The following IQCM variants were observed in gnomAD, a reference collection of about 807,000 sequenced individuals.
IQCM encodes IQ motif containing M, also known as IQ domain-containing protein M.
Under a neutral mutation model 57.6 loss-of-function variants are expected in IQCM, and 45 were observed. That is an observed-to-expected ratio of 0.78 (90% confidence interval 0.62 to 1.00). The LOEUF is 1.00. Ranked by LOEUF, IQCM falls within the 50% of genes least tolerant of loss-of-function variation. The pLI, the probability that IQCM is intolerant of heterozygous loss-of-function variation, is 0.00. For synonymous variants in IQCM, 148 were observed against 158.9 expected, an observed-to-expected ratio of 0.93 and a Z score of 0.51; for missense variants, 468 against 511.6, an observed-to-expected ratio of 0.91 and a Z score of 0.82.
chr4:149,705,253 T>C (rs1014979905), intron 5 of IQCM, among the ~76,000 whole-genome samples: 1 of 147,760 alleles, frequency 6.8e-6, no homozygotes, highest in Non-Finnish European at 1.5e-5. Flanking sequence ...TATATATTTA[T>C]AAAAATATAT....
chr4:149,360,354 C>T (rs533352650), intron 13 of IQCM, among the ~76,000 whole-genome samples: 7 of 152,016 alleles, frequency 4.6e-5, no homozygotes, highest in African/African-American at 1.2e-4. Context: ...TTAAAGTATC[C>T]AAGAGGACAG....
At chr4:149,418,196 C>T (rs1196394708) in intron 13 of IQCM, among the ~76,000 whole-genome samples, 1 of 150,868 alleles carries the variant, frequency 6.6e-6, no homozygotes, top group African/African-American at 2.4e-5. Flanking sequence ...TAAAACAGAC[C>T]ACTAGCTAGA....
intron 5 of IQCM, among the ~76,000 whole-genome samples, chr4:149,697,672 T>C (rs1004911796): frequency 5.3e-5 from 8 of 152,154 alleles, no homozygotes; most frequent in African/African-American, 1.7e-4. Flanking sequence ...AATTTGTCCC[T>C]ATGGTTAGTC....
chr4:149,777,215 T>G (rs1475159869), intron 2 of IQCM, among the ~76,000 whole-genome samples: 6 of 152,236 alleles, frequency 3.9e-5, no homozygotes, highest in African/African-American at 1.4e-4. Context: ...CTTTGACCAC[T>G]GGCAGCAAAT....
At chr4:149,599,604 A>G (rs1175841183) in intron 8 of IQCM, among the ~76,000 whole-genome samples, 2 of 152,156 alleles carry the variant, frequency 1.3e-5, no homozygotes, top group Non-Finnish European at 2.9e-5. Context: ...AAACAATAGA[A>G]AAATTTTAAT....
At chr4:149,805,468 C>A (rs1232498511) in intron 2 of IQCM, among the ~76,000 whole-genome samples, 1 of 151,976 alleles carries the variant, frequency 6.6e-6, no homozygotes, top group Admixed American at 6.6e-5. Flanking sequence ...CCAAGAGGAA[C>A]AAACATCCTG....
chr4:149,652,494 A>G (rs72726172), intron 7 of IQCM, among the ~76,000 whole-genome samples: 8,299 of 152,166 alleles, frequency 0.055, 329 homozygotes, highest in South Asian at 0.18. Context: ...TAGCATAAAA[A>G]CCAAAAAGAT....
intron 5 of IQCM, among the ~76,000 whole-genome samples, chr4:149,708,851 C>G (rs558631707): frequency 1.3e-5 from 2 of 152,136 alleles, no homozygotes; most frequent in African/African-American, 2.4e-5. Flanking sequence ...GAATTTGGCA[C>G]TCTTTTTATT....
At chr4:149,509,238 T>A (rs1206262663) in intron 12 of IQCM, among the ~76,000 whole-genome samples, 1 of 152,094 alleles carries the variant, frequency 6.6e-6, no homozygotes, top group African/African-American at 2.4e-5. Flanking sequence ...TTTGGGAGAT[T>A]GAAGTTTTGA....
chr4:149,476,813 C>A (rs1189453371), intron 12 of IQCM, among the ~76,000 whole-genome samples: 10 of 151,922 alleles, frequency 6.6e-5, no homozygotes, highest in Non-Finnish European at 1.5e-4. Flanking sequence ...CTTGCCCATT[C>A]ATCAGAAAAA....
At chr4:149,465,894 T>A (rs1041513503) in intron 12 of IQCM, among the ~76,000 whole-genome samples, 1 of 152,090 alleles carries the variant, frequency 6.6e-6, no homozygotes, top group Admixed American at 6.6e-5. Context: ...TGCCCTCATG[T>A]CACCAGTTTC....
chr4:149,573,527 T>G lies in IQCM; in HGVS notation c.750-9637A>C, dbSNP rs981969620. Among the ~76,000 whole-genome samples the G allele has an allele frequency of 8.7e-4, 132 of 151,976 alleles. 3 individuals carry two copies. Among genetic ancestry groups the G allele is most frequent in the Non-Finnish European group, 3.4e-4 (23 of 67,952 alleles). On this transcript the variant is annotated intron_variant, in intron 9 of 13. Coordinates refer to ENST00000636793, the MANE Select transcript of IQCM (RefSeq NM_001363507.2). ...CATATTTCCTGAAATAGGCTAGCGTTCACTGTGTAAAGTAAAAGTTTAATA... is the reference window on the plus strand; with the variant it reads ...CATATTTCCTGAAATAGGCTAGCGTGCACTGTGTAAAGTAAAAGTTTAATA...
At chr4:149,479,994 A>C (rs1740605065) in intron 12 of IQCM, among the ~76,000 whole-genome samples, 1 of 152,200 alleles carries the variant, frequency 6.6e-6, no homozygotes, top group South Asian at 2.1e-4. Context: ...TATGAAGTAC[A>C]AAGAGCAACT....
chr4:149,626,178 A>G (rs1389257224), intron 7 of IQCM, among the ~76,000 whole-genome samples: 1 of 151,784 alleles, frequency 6.6e-6, no homozygotes, highest in East Asian at 2.0e-4. Flanking sequence ...GCATAGCTAG[A>G]ATATAAGCAG....
At chr4:149,370,800 C>T (rs1300694557) in intron 13 of IQCM, among the ~76,000 whole-genome samples, 2 of 152,156 alleles carry the variant, frequency 1.3e-5, no homozygotes, top group Non-Finnish European at 2.9e-5. Context: ...TCCTTTCACT[C>T]TGATAGGTTT....
At chr4:149,585,359 C>T (rs1407101015) in intron 9 of IQCM, among the ~76,000 whole-genome samples, 2 of 151,534 alleles carry the variant, frequency 1.3e-5, no homozygotes, top group East Asian at 3.9e-4. Context: ...GCTATAAATC[C>T]AACATGTGGA....
chr4:149,650,765 G>C (rs1296487384), intron 7 of IQCM, among the ~76,000 whole-genome samples: 8 of 152,064 alleles, frequency 5.3e-5, no homozygotes, highest in Non-Finnish European at 1.0e-4. Context: ...ACGCACCCTA[G>C]TTTTACATCT....
intron 12 of IQCM, among the ~76,000 whole-genome samples, chr4:149,512,855 A>G (rs1744566777): frequency 6.6e-6 from 1 of 152,220 alleles, no homozygotes; most frequent in Non-Finnish European, 1.5e-5. Flanking sequence ...TACCTACAGT[A>G]TGATTGCTTG....
chr4:149,567,440 G>A (rs1307889673), intron 9 of IQCM, among the ~76,000 whole-genome samples: 5 of 151,928 alleles, frequency 3.3e-5, no homozygotes, highest in African/African-American at 9.6e-5. Context: ...TCCACCTCCC[G>A]GGTTCAAGCA....
Sources: gnomAD v4.1 joint callset for allele counts (sites outside exome capture counted in the v4.1 genomes callset) on GRCh38, gnomAD v4.1.1 for gene constraint, MANE v1.5 for transcripts, NCBI Gene and HGNC (gene_info 2026-07-23, HGNC 2026-07-21) for gene names.